The following CADM2 variants were observed in gnomAD, a reference collection of about 807,000 sequenced individuals.
CADM2 encodes the protein immunoglobulin superfamily member 4D.
In CADM2, 12 loss-of-function variants were observed where a neutral mutation model predicts 49.8. That is an observed-to-expected ratio of 0.24 (90% CI 0.15 to 0.39). The LOEUF (loss-of-function observed/expected upper bound fraction) is 0.39, where lower values mean the gene tolerates loss of function less well. Ranked by LOEUF, CADM2 falls within the 10% of genes least tolerant of loss-of-function variation. The probability of loss-of-function intolerance (pLI) is 1.00; values close to 1 mark genes in which losing one functional copy is unlikely to be tolerated. For missense variants in CADM2, 378 were observed against 492.3 expected (o/e 0.77, Z 2.20); for synonymous variants, 214 against 175.4 (o/e 1.22, Z -1.74).
At chr3:85,900,242 T>G (rs1309142348) in intron 5 of CADM2, among the ~76,000 whole-genome samples, 1 of 152,188 alleles carries the variant, frequency 6.6e-6, no homozygotes, top group African/African-American at 2.4e-5. Context: ...GGAGTAGTCT[T>G]TGTCATTTTG....
chr3:85,850,471 C>A (rs2075062066), intron 3 of CADM2, among the ~76,000 whole-genome samples: 2 of 151,888 alleles, frequency 1.3e-5, no homozygotes, highest in Non-Finnish European at 2.9e-5. Context: ...ACTACAGGCG[C>A]CCGCCACCAC....
At chr3:85,823,911 G>A (rs1408902898) in intron 3 of CADM2, among the ~76,000 whole-genome samples, 3 of 151,976 alleles carry the variant, frequency 2.0e-5, no homozygotes, top group Non-Finnish European at 4.4e-5. Context: ...TCAATATATA[G>A]GCAGAAAAAT....
chr3:85,040,013 C>T (rs1559630317), intron 1 of CADM2, among the ~76,000 whole-genome samples: 1 of 152,166 alleles, frequency 6.6e-6, no homozygotes, highest in Non-Finnish European at 1.5e-5. Flanking sequence ...CTAACATTCT[C>T]AGTTCATTGA....
intron 1 of CADM2, among the ~76,000 whole-genome samples, chr3:85,471,793 T>G (rs2038780489): frequency 1.3e-5 from 2 of 150,104 alleles, no homozygotes; most frequent in South Asian, 4.2e-4. Flanking sequence ...TCACTGACAG[T>G]GGAAAAATAC....
In CADM2 at chr3:85,354,342, G is replaced by A. The variant is rs559418257; in HGVS notation, c.62-372180G>A. Among the ~76,000 whole-genome samples, 9 of 128,170 alleles carry A rather than the reference G, an allele frequency of 7.0e-5. No homozygotes were observed. In the South Asian group the frequency reaches 1.4e-3, roughly 20 times the overall value. The allele number at this position is 128,170 out of a possible 152,430, so 84.1% of individuals were successfully genotyped here. A position where few individuals can be genotyped will look rare whatever the true frequency, so the allele number is the denominator to read the frequency against. ...CACAGGAAGGGGAACATCACACTCC[G>A]GGGACTGTTGTGGGGTGGGGGGAGG... is the stretch of plus-strand genomic sequence containing the variant. On this transcript the variant is annotated intron_variant, in intron 1 of 9. Coordinates refer to ENST00000383699, the MANE Select transcript of CADM2 (RefSeq NM_001167675.2).
chr3:85,947,131 C>A (rs1051207636), intron 7 of CADM2, among the ~76,000 whole-genome samples: 1 of 151,700 alleles, frequency 6.6e-6, no homozygotes, highest in Admixed American at 6.6e-5. Context: ...AACAAGTGGA[C>A]GAAGGATATG....
chr3:85,929,730 A>G (rs1241431431), intron 6 of CADM2, among the ~76,000 whole-genome samples: 5 of 152,054 alleles, frequency 3.3e-5, no homozygotes, highest in Non-Finnish European at 7.4e-5. Context: ...AAATTAACTC[A>G]GTTTTTGAGA....
chr3:85,118,725 T>C (rs1255004569), intron 1 of CADM2, among the ~76,000 whole-genome samples: 1 of 152,150 alleles, frequency 6.6e-6, no homozygotes, highest in Non-Finnish European at 1.5e-5. Flanking sequence ...AGAAGTTTAA[T>C]GTTGTCCATT....
chr3:85,123,691 A>G (rs916227535), intron 1 of CADM2, among the ~76,000 whole-genome samples: 1 of 152,144 alleles, frequency 6.6e-6, no homozygotes, highest in East Asian at 1.9e-4. Context: ...ATATATATTT[A>G]TATATATGTG....
At chr3:85,715,760 G>A (rs970518979) in intron 1 of CADM2, among the ~76,000 whole-genome samples, 8 of 152,064 alleles carry the variant, frequency 5.3e-5, no homozygotes, top group Admixed American at 3.3e-4. Context: ...GAGGCCTTTC[G>A]TTTTCAGTTC....
At chr3:85,320,010 G>A (rs2044560438) in intron 1 of CADM2, among the ~76,000 whole-genome samples, 1 of 152,050 alleles carries the variant, frequency 6.6e-6, no homozygotes, top group Non-Finnish European at 1.5e-5. Context: ...GGAGCCAAAG[G>A]TGAAAATTAA....
intron 1 of CADM2, among the ~76,000 whole-genome samples, chr3:85,468,579 A>T (rs1210418951): frequency 1.6e-5 from 2 of 128,294 alleles, no homozygotes; most frequent in Non-Finnish European, 3.4e-5. Flanking sequence ...TAAAGAAATT[A>T]CTGATCTTTT....
intron 1 of CADM2, among the ~76,000 whole-genome samples, chr3:85,552,357 C>T (rs1244366535): frequency 7.2e-6 from 1 of 138,430 alleles, no homozygotes; most frequent in African/African-American, 2.7e-5. Flanking sequence ...AATTAAATCA[C>T]TTTGAAAAGT....
intron 1 of CADM2, among the ~76,000 whole-genome samples, chr3:85,612,726 G>GT (rs2063710179): frequency 1.3e-5 from 2 of 151,756 alleles, no homozygotes; most frequent in African/African-American, 4.8e-5. Flanking sequence ...TTAGTAATAT[G>GT]TTTGTCATGA....
At chr3:85,708,643 TAAAC>T (rs1372929618) in intron 1 of CADM2, among the ~76,000 whole-genome samples, 1 of 152,184 alleles carries the variant, frequency 6.6e-6, no homozygotes, top group Admixed American at 6.5e-5. Flanking sequence ...TTTAAAAAGT[TAAAC>T]AAAGACAAAA....
At chr3:85,232,610 A>G (rs1321256755) in intron 1 of CADM2, among the ~76,000 whole-genome samples, 1 of 152,166 alleles carries the variant, frequency 6.6e-6, no homozygotes, top group African/African-American at 2.4e-5. Flanking sequence ...AATGTGCAAA[A>G]GATATGAATA....
intron 3 of CADM2, among the ~76,000 whole-genome samples, chr3:85,851,282 G>T (rs2075098537): frequency 1.3e-5 from 2 of 152,124 alleles, no homozygotes; most frequent in South Asian, 4.1e-4. Flanking sequence ...ATTGAAATAA[G>T]CATAAGAAGG....
chr3:85,787,396 T>C (rs184365688), intron 2 of CADM2, among the ~76,000 whole-genome samples: 36 of 152,232 alleles, frequency 2.4e-4, no homozygotes, highest in African/African-American at 6.5e-4. Context: ...TACTTGATTG[T>C]AAACACAATT....
intron 1 of CADM2, among the ~76,000 whole-genome samples, chr3:85,067,908 G>A (rs1352295412): frequency 6.6e-6 from 1 of 152,110 alleles, no homozygotes; most frequent in African/African-American, 2.4e-5. Context: ...GACACAGTTG[G>A]GGACTATTTA....
Sources: allele counts gnomAD v4.1 joint callset (sites outside exome capture counted in the v4.1 genomes callset), GRCh38; gene constraint gnomAD v4.1.1; transcripts MANE v1.5; gene names NCBI Gene and HGNC (gene_info 2026-07-23, HGNC 2026-07-21).